The following EYS variants were observed in gnomAD, a reference collection of about 807,000 sequenced individuals.
The protein encoded by EYS is protein eyes shut homolog.
EYS carries 250 observed loss-of-function variants against 282.1 expected under a neutral mutation model. The observed-to-expected ratio is 0.89, with a 90% CI of 0.80 to 0.98. The LOEUF is 0.98. EYS is among the 50% of genes least tolerant of loss of function. The probability of loss-of-function intolerance (pLI) is 0.00; values close to 1 mark genes in which losing one functional copy is unlikely to be tolerated. For synonymous variants in EYS, 1,355 were observed against 1,282.9 expected (o/e 1.06, Z -1.20); for missense variants, 4,016 against 3,709.0 (o/e 1.08, Z -2.15).
Position 63,721,214 on chromosome 6 carries a change from A to T in EYS, c.8817T>A (p.Cys2939Ter). 1 of 1,551,788 alleles carries T rather than the reference A, an allele frequency of 6.4e-7. No individual in the cohort carries two copies. Among genetic ancestry groups the T allele is most frequent in the Non-Finnish European group, 8.7e-7 (1 of 1,146,946 alleles). ...PDQSFSYSCLCTLGWVGRYCE... is the reference protein window; with the variant it reads ...PDQSFSYSCL ...AATACCTTCCCACCCAACCCAAAGT[A>T]CACAGGCAACTGTAAGAAAATGATT... The change falls in exon 43 of 43, where the codon TGT (cysteine) becomes TGA (stop). Residue 2939 changes from cysteine to a stop codon, truncating the protein, a stop_gained. Transcript: ENST00000503581. LOFTEE classifies it high-confidence loss of function.
chr6:64,307,078 G>T lies in EYS; in HGVS notation c.6083C>A (p.Pro2028His). ...GCCAGTAAAATTCTTGACTGGTACA[G>T]GCATCTGAGAGAGAGAGAGAGAGAG... ...FPDLHGKIQM[P>H]VPVKNFTGCI... is the part of the protein sequence containing the mutation. The change falls in exon 30 of 43, where the codon CCT becomes CAT. Residue 2028 changes from proline (P) to histidine (H), a missense_variant. Physicochemically the swap from Pro to His is moderately conservative, Grantham distance 77. Transcript: ENST00000503581. 1.5e-6 allele frequency: 2 copies of T among 1,342,090 alleles called. No individual in the cohort carries two copies. The highest frequency in any genetic ancestry group is 1.0e-6 in the Non-Finnish European group (1 of 977,646). 83.1% of individuals were successfully genotyped at this position (1,342,090 alleles called of 1,614,324 possible). A position where few individuals can be genotyped will look rare whatever the true frequency, so the allele number is the denominator to read the frequency against.
intron 12 of EYS, among the ~76,000 whole-genome samples, chr6:65,133,707 C>T (rs1775945336): frequency 6.6e-6 from 1 of 151,878 alleles, no homozygotes; most frequent in Non-Finnish European, 1.5e-5. Context: ...GACACAGAAA[C>T]AGGCAAACCT....
chr6:63,724,983 A>AC (rs1561995993), intron 42 of EYS, among the ~76,000 whole-genome samples: 1 of 152,142 alleles, frequency 6.6e-6, no homozygotes, highest in Non-Finnish European at 1.5e-5. Context: ...ATTTTCTGCA[A>AC]CCTTAAATAA....
At chr6:65,688,734 A>T (rs541699143) in intron 1 of EYS, among the ~76,000 whole-genome samples, 1 of 152,320 alleles carries the variant, frequency 6.6e-6, no homozygotes, top group East Asian at 1.9e-4. Context: ...GACACTTCTC[A>T]AAAGAAGACA....
At chr6:63,913,185 G>T (rs1764322069) in intron 35 of EYS, among the ~76,000 whole-genome samples, 1 of 152,180 alleles carries the variant, frequency 6.6e-6, no homozygotes, top group South Asian at 2.1e-4. Flanking sequence ...AAATGTCTCA[G>T]TTGTTTTAGC....
At chr6:64,018,580 T>A (rs1364509542) in intron 33 of EYS, among the ~76,000 whole-genome samples, 1 of 152,134 alleles carries the variant, frequency 6.6e-6, no homozygotes. Context: ...CATATGCTGA[T>A]GTCTAGCATA....
At chr6:65,045,175 G>A (rs2350288) in intron 13 of EYS, among the ~76,000 whole-genome samples, 55,674 of 151,668 alleles carry the variant, frequency 0.37, 12,402 homozygotes, top group Admixed American at 0.5. Flanking sequence ...CAGGATTACT[G>A]TTTGCCTTTT....
At chr6:64,314,422 C>T (rs887709380) in intron 29 of EYS, among the ~76,000 whole-genome samples, 1 of 152,040 alleles carries the variant, frequency 6.6e-6, no homozygotes, top group East Asian at 1.9e-4. Flanking sequence ...TAGACTCCCG[C>T]ATAATAATAG....
intron 22 of EYS, among the ~76,000 whole-genome samples, chr6:64,662,082 AG>A (rs2149888929): frequency 6.6e-6 from 1 of 151,964 alleles, no homozygotes; most frequent in Non-Finnish European, 1.5e-5. Flanking sequence ...TGTCCTTTGT[AG>A]GGACATGGAT....
At chr6:65,316,912 C>T (rs971676179) in intron 11 of EYS, among the ~76,000 whole-genome samples, 1 of 152,122 alleles carries the variant, frequency 6.6e-6, no homozygotes, top group Non-Finnish European at 1.5e-5. Context: ...CAAGTCTTTG[C>T]TATTGTGAAC....
At chr6:64,995,957 G>A (rs1166575381) in intron 14 of EYS, among the ~76,000 whole-genome samples, 2 of 152,168 alleles carry the variant, frequency 1.3e-5, no homozygotes, top group African/African-American at 4.8e-5. Flanking sequence ...AGGTCTGAAA[G>A]TGGAATCTTA....
intron 29 of EYS, among the ~76,000 whole-genome samples, chr6:64,329,100 C>T (rs752448465): frequency 6.6e-6 from 1 of 151,962 alleles, no homozygotes; most frequent in Non-Finnish European, 1.5e-5. Flanking sequence ...TTCATTAGGC[C>T]CCGAGGAGCC....
intron 8 of EYS, among the ~76,000 whole-genome samples, chr6:65,377,343 C>T (rs748048030): frequency 2.0e-4 from 30 of 152,000 alleles, no homozygotes; most frequent in African/African-American, 4.6e-4. Context: ...AAACAGACAA[C>T]GTACCAGAAT....
chr6:65,206,403 T>G (rs1264584185), intron 12 of EYS, among the ~76,000 whole-genome samples: 1 of 151,028 alleles, frequency 6.6e-6, no homozygotes, highest in Non-Finnish European at 1.5e-5. Flanking sequence ...AAAAAAAAAA[T>G]TATAAAAATA....
chr6:63,814,680 C>T (rs1211713837), intron 36 of EYS, among the ~76,000 whole-genome samples: 1 of 152,140 alleles, frequency 6.6e-6, no homozygotes, highest in Non-Finnish European at 1.5e-5. Flanking sequence ...GTGCCATCTT[C>T]TGGCTTTTCA....
intron 31 of EYS, among the ~76,000 whole-genome samples, chr6:64,195,398 G>C (rs1051563393): frequency 1.3e-5 from 2 of 152,284 alleles, no homozygotes; most frequent in South Asian, 2.1e-4. Flanking sequence ...CACCTCCCAA[G>C]TTCAAGTGAT....
intron 14 of EYS, among the ~76,000 whole-genome samples, chr6:64,985,063 T>C (rs894741845): frequency 6.6e-6 from 1 of 151,506 alleles, no homozygotes; most frequent in Admixed American, 6.6e-5. Flanking sequence ...AATTAGCTCC[T>C]GTTTTATGAA....
chr6:65,140,982 C>T (rs1203717231), intron 12 of EYS, among the ~76,000 whole-genome samples: 1 of 151,504 alleles, frequency 6.6e-6, no homozygotes, highest in East Asian at 1.9e-4. Context: ...CCCAGCCATC[C>T]CATTACTGGG....
intron 12 of EYS, among the ~76,000 whole-genome samples, chr6:65,178,788 C>T (rs1765295431): frequency 6.6e-6 from 1 of 152,006 alleles, no homozygotes; most frequent in Non-Finnish European, 1.5e-5. Context: ...ACACCTATTC[C>T]AAAATTGACC....
Sources: allele counts gnomAD v4.1 joint callset (sites outside exome capture counted in the v4.1 genomes callset), GRCh38; gene constraint gnomAD v4.1.1; transcripts MANE v1.5; gene names NCBI Gene and HGNC (gene_info 2026-07-23, HGNC 2026-07-21).